The following DSCAML1 variants were observed in gnomAD, a reference collection of about 807,000 sequenced individuals.
The protein encoded by DSCAML1 is cell adhesion molecule DSCAML1.
A neutral mutation model predicts 200.5 loss-of-function variants in DSCAML1; 38 were observed. The observed-to-expected ratio is 0.19, with a 90% CI of 0.15 to 0.25. The LOEUF (loss-of-function observed/expected upper bound fraction) is 0.25. Ranked by LOEUF, DSCAML1 falls within the 10% of genes least tolerant of loss-of-function variation. The pLI is 1.00. For missense variants in DSCAML1, 2,223 were observed against 2,858.8 expected (o/e 0.78, Z 5.07); for synonymous variants, 1,215 against 1,165.0 (o/e 1.04, Z -0.87).
rs777738465 is a variant in DSCAML1, at chr11:117,437,841, C to A, written c.4432+54G>T. 27 of 1,518,494 alleles carry A rather than the reference C, an allele frequency of 1.8e-5. No homozygotes were observed. Among genetic ancestry groups the A allele is most frequent in the Non-Finnish European group, 2.4e-5 (27 of 1,134,840 alleles). The allele number at this position is 1,518,494 out of a possible 1,614,324, so 94.1% of individuals were successfully genotyped here. ...TACACCCCATACCTGGCCCCTCTAG[C>A]CCACCCTCCCTGGGCCCATCGCTCC... On this transcript the variant is annotated intron_variant, in intron 25 of 32. Transcript: ENST00000651296. This position sits in a 1 kb window ranked among gnomAD's most constrained non-coding sequence, Gnocchi z 5.3.
intron 3 of DSCAML1, among the ~76,000 whole-genome samples, chr11:117,664,219 C>T (rs1008475477): frequency 3.3e-5 from 5 of 152,208 alleles, no homozygotes; most frequent in South Asian, 2.1e-4. Context: ...GCAGAGAACC[C>T]GAGGCCTAGA....
chr11:117,652,105 C>T (rs953127087), intron 3 of DSCAML1, among the ~76,000 whole-genome samples: 3 of 152,316 alleles, frequency 2.0e-5, no homozygotes, highest in African/African-American at 4.8e-5. Context: ...ACAGCAAACC[C>T]TTGGGCCACA....
intron 6 of DSCAML1, among the ~76,000 whole-genome samples, chr11:117,519,908 A>T (rs1332519163): frequency 6.6e-6 from 1 of 152,222 alleles, no homozygotes; most frequent in Non-Finnish European, 1.5e-5. Context: ...TGGGTGCCTC[A>T]CACCTTCAAG....
intron 3 of DSCAML1, among the ~76,000 whole-genome samples, chr11:117,544,438 CCTGG>C (rs774027634): frequency 1.3e-5 from 2 of 152,210 alleles, no homozygotes; most frequent in African/African-American, 2.4e-5. Context: ...ATGGATACTT[CCTGG>C]CTGGCGGGAA....
At chr11:117,614,962 T>C (rs1001225141) in intron 3 of DSCAML1, among the ~76,000 whole-genome samples, 1 of 152,198 alleles carries the variant, frequency 6.6e-6, no homozygotes, top group Non-Finnish European at 1.5e-5. Flanking sequence ...CGGGGACCTC[T>C]GATGCCAATA....
chr11:117,488,453 T>C (rs578062930), intron 11 of DSCAML1, among the ~76,000 whole-genome samples: 1 of 152,234 alleles, frequency 6.6e-6, no homozygotes, highest in Admixed American at 6.5e-5. Flanking sequence ...CACAGGGCTT[T>C]TTGGGTGAAG....
At chr11:117,549,007 G>A (rs1357876978) in intron 3 of DSCAML1, among the ~76,000 whole-genome samples, 1 of 152,178 alleles carries the variant, frequency 6.6e-6, no homozygotes, top group Non-Finnish European at 1.5e-5. Flanking sequence ...GGCTAAAAGG[G>A]ACATGGCACT....
intron 14 of DSCAML1, among the ~76,000 whole-genome samples, chr11:117,475,284 A>C (rs544265039): frequency 1.3e-5 from 2 of 152,312 alleles, no homozygotes; most frequent in South Asian, 4.1e-4. Flanking sequence ...TGAGAGTCTG[A>C]GAGTAGTCTT....
chr11:117,752,469 G>T (rs550192789), intron 3 of DSCAML1, among the ~76,000 whole-genome samples: 2 of 152,314 alleles, frequency 1.3e-5, no homozygotes, highest in African/African-American at 4.8e-5. Flanking sequence ...AGGAGAGGAT[G>T]CTAGATCCCC....
At chr11:117,538,019 A>G (rs2050199869) in intron 3 of DSCAML1, among the ~76,000 whole-genome samples, 1 of 152,178 alleles carries the variant, frequency 6.6e-6, no homozygotes, top group Non-Finnish European at 1.5e-5. Context: ...TCAGTTTCCC[A>G]TCCGTAAAAA....
Position 117,787,466 on chromosome 11 carries a change from T to C in DSCAML1, c.47-6656A>G, listed in dbSNP as rs564842481. 2.4e-3 allele frequency among the ~76,000 whole-genome samples: 359 copies of C among 152,320 alleles called. 3 individuals carry two copies. Among genetic ancestry groups the C allele is most frequent in the African/African-American group, 7.9e-3 (330 of 41,568 alleles). On this transcript the variant is annotated intron_variant, in intron 1 of 32. Transcript: ENST00000651296. ...CGTGGTTCTCAAACATCAGTATGCA[T>C]AAGAATCACCTGGAGAGCTTGTTAA... is the stretch of plus-strand genomic sequence containing the variant.
chr11:117,749,712 C>A (rs1167754733), intron 3 of DSCAML1, among the ~76,000 whole-genome samples: 1 of 152,226 alleles, frequency 6.6e-6, no homozygotes, highest in Non-Finnish European at 1.5e-5. Flanking sequence ...GGGTCAGAAC[C>A]AGCACGGTCG....
chr11:117,432,242 A>G (rs2047815711), intron 30 of DSCAML1, 110 bp downstream of exon 30: 1 of 1,265,928 alleles, frequency 7.9e-7, no homozygotes, highest in Non-Finnish European at 1.1e-6. Flanking sequence ...TTTGCATTCT[A>G]TTCCATTAAG....
intron 11 of DSCAML1, among the ~76,000 whole-genome samples, chr11:117,502,666 C>T (rs149139594): frequency 5.3e-5 from 8 of 152,220 alleles, no homozygotes; most frequent in South Asian, 2.1e-4. Context: ...AGACCACACA[C>T]GGGGCTATGC....
chr11:117,448,636 T>TTG (rs1555169772), intron 20 of DSCAML1, among the ~76,000 whole-genome samples: 3 of 81,106 alleles, frequency 3.7e-5, no homozygotes, highest in Non-Finnish European at 6.7e-5. Flanking sequence ...TGTGTGTGTG[T>TTG]GTGGGGGGTG....
intron 3 of DSCAML1, among the ~76,000 whole-genome samples, chr11:117,772,159 C>T (rs977612527): frequency 2.6e-5 from 4 of 152,082 alleles, no homozygotes; most frequent in African/African-American, 9.7e-5. Flanking sequence ...CACTGTACCC[C>T]AGGCAGAAGA....
intron 3 of DSCAML1, among the ~76,000 whole-genome samples, chr11:117,769,633 A>T (rs1437716069): frequency 7.0e-6 from 1 of 143,070 alleles, no homozygotes; most frequent in Admixed American, 7.7e-5. Context: ...TCCAGCACTT[A>T]GGAGCACAGA....
At chr11:117,521,805 C>T (rs370677811) in intron 5 of DSCAML1, among the ~76,000 whole-genome samples, 5 of 152,138 alleles carry the variant, frequency 3.3e-5, no homozygotes, top group East Asian at 1.9e-4. Context: ...CCCATACTTG[C>T]GGAGATAACA....
chr11:117,488,708 C>T (rs1350857073), intron 11 of DSCAML1, among the ~76,000 whole-genome samples: 1 of 152,192 alleles, frequency 6.6e-6, no homozygotes, highest in East Asian at 1.9e-4. Context: ...CATGTCAATA[C>T]CCTGATGTGC....
Sources: allele counts gnomAD v4.1 joint callset (sites outside exome capture counted in the v4.1 genomes callset), GRCh38; gene constraint gnomAD v4.1.1; non-coding constraint Gnocchi (gnomAD v3.1); transcripts MANE v1.5; gene names NCBI Gene and HGNC (gene_info 2026-07-23, HGNC 2026-07-21).